FBXL17: variants seen among roughly 807,000 people sequenced by gnomAD.
FBXL17 encodes F-box and leucine rich repeat protein 17, also known as F-box/LRR-repeat protein 17.
Under a neutral mutation model 66.2 loss-of-function variants are expected in FBXL17, and 22 were observed. The ratio of observed to expected loss-of-function variants is 0.33; its 90% CI spans 0.24 to 0.47. The LOEUF is 0.47. Ranked by LOEUF, FBXL17 falls within the 20% of genes least tolerant of loss-of-function variation. The pLI, the probability that FBXL17 is intolerant of heterozygous loss-of-function variation, is 1.00. For synonymous variants in FBXL17, 474 were observed against 400.5 expected (o/e 1.18, Z -2.19); for missense variants, 878 against 948.2 (o/e 0.93, Z 0.97).
rs958369288 is a variant in FBXL17 at position 107,892,108 on chromosome 5, T to C, written c.1823-10929A>G. Among the ~76,000 whole-genome samples the C allele has an allele frequency of 2.0e-5, 3 of 152,250 alleles. No homozygotes were observed. In the East Asian group the frequency reaches 5.8e-4, roughly 29 times the overall value. On this transcript the variant is annotated intron_variant, in intron 7 of 8. Coordinates refer to ENST00000542267, the MANE Select transcript of FBXL17 (RefSeq NM_001163315.3). ...GTTATTGAATATCTCATATAATTTA[T>C]TGAATACTATACTGAAAGGAAAAAA...
chr5:107,952,783 T>G (rs1461844371), intron 7 of FBXL17, among the ~76,000 whole-genome samples: 1 of 152,214 alleles, frequency 6.6e-6, no homozygotes, highest in Non-Finnish European at 1.5e-5. Flanking sequence ...ACAGTGTACA[T>G]GAATATAGTT....
At chr5:108,205,557 GTC>G (rs1348911439) in intron 5 of FBXL17, among the ~76,000 whole-genome samples, 2 of 152,224 alleles carry the variant, frequency 1.3e-5, no homozygotes, top group East Asian at 1.9e-4. Flanking sequence ...CTATAAAAAT[GTC>G]TCTCTTTCTT....
intron 4 of FBXL17, among the ~76,000 whole-genome samples, chr5:108,232,792 T>TTATATATATATATATATATATTA (rs752698839): frequency 9.1e-6 from 1 of 109,536 alleles, no homozygotes; most frequent in Non-Finnish European, 2.0e-5. Context: ...CATATATATA[T>TTATATATATATATATATATATTA]ATATATATAT....
At chr5:108,075,576 G>A (rs286791) in intron 6 of FBXL17, among the ~76,000 whole-genome samples, 14,554 of 152,068 alleles carry the variant, frequency 0.096, 2,368 homozygotes, top group African/African-American at 0.33. Context: ...CCCGGGTTCA[G>A]GCAATTCTCC....
chr5:108,212,815 T>C (rs1754435219), intron 5 of FBXL17, among the ~76,000 whole-genome samples: 1 of 151,996 alleles, frequency 6.6e-6, no homozygotes, highest in Non-Finnish European at 1.5e-5. Flanking sequence ...GAAGAGGCAG[T>C]CTGATCCTTA....
At chr5:108,379,921 A>G (rs1561568620) in intron 1 of FBXL17, among the ~76,000 whole-genome samples, 1 of 152,214 alleles carries the variant, frequency 6.6e-6, no homozygotes, top group Non-Finnish European at 1.5e-5. Flanking sequence ...CTTTTATGCA[A>G]GGGTTAAAAT....
Position 108,318,482 on chromosome 5 carries a change from C to T in FBXL17, c.1506+29917G>A, listed in dbSNP as rs148775286. ...CAGGAAAAAAAAGTTCCTCAACAACCAATATACATAAAATCCTTGAAATTT... is the reference window on the plus strand; with the variant it reads ...CAGGAAAAAAAAGTTCCTCAACAACTAATATACATAAAATCCTTGAAATTT... On this transcript the variant is annotated intron_variant, in intron 4 of 8. Transcript: ENST00000542267. Among the ~76,000 whole-genome samples the T allele has an allele frequency of 2.4e-3, 366 of 151,730 alleles. 1 individual carries two copies. The highest frequency in any genetic ancestry group is 8.6e-3 in the African/African-American group (356 of 41,444).
intron 6 of FBXL17, among the ~76,000 whole-genome samples, chr5:108,055,999 G>A (rs1419266046): frequency 1.3e-5 from 2 of 152,152 alleles, no homozygotes; most frequent in Non-Finnish European, 1.5e-5. Context: ...CCTGCCACTG[G>A]CTTTGATGTA....
intron 6 of FBXL17, among the ~76,000 whole-genome samples, chr5:108,128,820 A>G (rs1206341841): frequency 6.6e-6 from 1 of 152,206 alleles, no homozygotes; most frequent in Non-Finnish European, 1.5e-5. Flanking sequence ...TATAGGAAAT[A>G]TACTGTAAGG....
intron 4 of FBXL17, among the ~76,000 whole-genome samples, chr5:108,314,934 G>GTC (rs1759292325): frequency 6.6e-6 from 1 of 150,868 alleles, no homozygotes; most frequent in African/African-American, 2.4e-5. Context: ...ATCATTTATT[G>GTC]TCTTATTTTC....
chr5:107,928,225 C>T (rs1243270078), intron 7 of FBXL17, among the ~76,000 whole-genome samples: 1 of 152,118 alleles, frequency 6.6e-6, no homozygotes, highest in East Asian at 1.9e-4. Flanking sequence ...CCTGCTCAAG[C>T]TCTAAGGAAA....
intron 6 of FBXL17, among the ~76,000 whole-genome samples, chr5:108,121,299 G>A (rs1157344740): frequency 6.6e-6 from 1 of 151,940 alleles, no homozygotes; most frequent in Non-Finnish European, 1.5e-5. Context: ...CTGCCCTCCA[G>A]ATTGGCAACA....
chr5:108,240,753 C>G (rs988924424), intron 4 of FBXL17, among the ~76,000 whole-genome samples: 12 of 152,148 alleles, frequency 7.9e-5, no homozygotes, highest in African/African-American at 2.9e-4. Flanking sequence ...AGCCCCTGGG[C>G]AAGACCCAGT....
intron 4 of FBXL17, among the ~76,000 whole-genome samples, chr5:108,328,357 A>T (rs1022512574): frequency 3.9e-5 from 6 of 152,194 alleles, no homozygotes; most frequent in Middle Eastern, 3.4e-3. Flanking sequence ...AGGAATGGAG[A>T]TGAAGAGAAG....
intron 7 of FBXL17, among the ~76,000 whole-genome samples, chr5:107,884,299 C>A (rs1748889776): frequency 6.6e-6 from 1 of 152,150 alleles, no homozygotes; most frequent in South Asian, 2.1e-4. Flanking sequence ...CTTAATTCTT[C>A]CAACAGCTCT....
At chr5:108,281,000 A>G (rs891165304) in intron 4 of FBXL17, among the ~76,000 whole-genome samples, 1 of 151,920 alleles carries the variant, frequency 6.6e-6, no homozygotes, top group Admixed American at 6.6e-5. Context: ...TGCTCCCAAC[A>G]GTGGAGCACC....
chr5:107,928,416 C>T (rs1013868972), intron 7 of FBXL17, among the ~76,000 whole-genome samples: 1 of 144,722 alleles, frequency 6.9e-6, no homozygotes, highest in African/African-American at 2.5e-5. Flanking sequence ...AAGCTACATA[C>T]TTTGTTTTTT....
At chr5:107,933,193 T>C (rs913100999) in intron 7 of FBXL17, among the ~76,000 whole-genome samples, 6 of 152,172 alleles carry the variant, frequency 3.9e-5, no homozygotes, top group South Asian at 2.1e-4. Context: ...ATTGATATCA[T>C]TGAGTTACCA....
intron 7 of FBXL17, among the ~76,000 whole-genome samples, chr5:107,903,384 C>A (rs577560708): frequency 6.6e-6 from 1 of 152,130 alleles, no homozygotes. Flanking sequence ...GAAACAGTAT[C>A]TCATCCTCAC....
Sources: gnomAD v4.1 joint callset for allele counts (sites outside exome capture counted in the v4.1 genomes callset) on GRCh38, gnomAD v4.1.1 for gene constraint, MANE v1.5 for transcripts, NCBI Gene and HGNC (gene_info 2026-07-23, HGNC 2026-07-21) for gene names.